GKN2: variants seen among roughly 807,000 people sequenced by gnomAD.
GKN2 encodes the protein gastrokine-2.
Under a neutral mutation model 22.7 loss-of-function variants are expected in GKN2, and 17 were observed. The observed-to-expected ratio is 0.75, with a 90% CI of 0.51 to 1.13. The LOEUF (loss-of-function observed/expected upper bound fraction) is 1.13. GKN2 is among the 50% of genes most tolerant of loss of function. The pLI is 0.00. For synonymous variants in GKN2, 82 were observed against 79.6 expected, an observed-to-expected ratio of 1.03 and a Z score of -0.16; for missense variants, 248 against 221.4, an observed-to-expected ratio of 1.12 and a Z score of -0.76.
Position 68,945,302 on chromosome 2 carries a change from T to A in GKN2, c.*66A>T. 1 of 1,178,380 alleles carries A rather than the reference T, an allele frequency of 8.5e-7. No individual in the cohort carries two copies. The highest frequency in any genetic ancestry group is 1.5e-5 in the South Asian group (1 of 67,510). 73.0% of individuals were successfully genotyped at this position (1,178,380 alleles called of 1,614,324 possible). A position where few individuals can be genotyped will look rare whatever the true frequency, so the allele number is the denominator to read the frequency against. On this transcript the variant is annotated 3_prime_UTR_variant, in exon 6 of 6. Coordinates refer to ENST00000328895, the MANE Select transcript of GKN2 (RefSeq NM_182536.3). ...GTTGGGGCATTGGGAAAGAATTTAA[T>A]TTGACTTTTGAGTGTAAACCAAGGA...
At chr2:68,946,281 G>A in intron 5 of GKN2, 23 bp downstream of exon 5, 1 of 1,582,888 alleles carries the variant, frequency 6.3e-7, no homozygotes. Context: ...TATTTGGTGA[G>A]TGAATGACTT....
At chr2:68,948,031 G>T (rs1669796564) in intron 3 of GKN2, among the ~76,000 whole-genome samples, 1 of 152,018 alleles carries the variant, frequency 6.6e-6, no homozygotes, top group African/African-American at 2.4e-5. Flanking sequence ...AGATCACAAG[G>T]TCAGGAGATC....
chr2:68,946,195 C>G (rs1669761797), intron 5 of GKN2, 109 bp downstream of exon 5: 1 of 920,280 alleles, frequency 1.1e-6, no homozygotes, highest in African/African-American at 1.7e-5. Flanking sequence ...GCAAACTGAA[C>G]TGAGTACTGT....
At chr2:68,950,514 G>A (rs956446041) in intron 2 of GKN2, among the ~76,000 whole-genome samples, 188 bp downstream of exon 2, 1 of 152,118 alleles carries the variant, frequency 6.6e-6, no homozygotes, top group African/African-American at 2.4e-5. Flanking sequence ...TTAAAGCAAT[G>A]GCTTACATTT....
chr2:68,948,882 A>G (rs1486121693), intron 3 of GKN2, among the ~76,000 whole-genome samples: 10 of 151,530 alleles, frequency 6.6e-5, no homozygotes, highest in African/African-American at 2.2e-4. Flanking sequence ...TCACTTCTCC[A>G]TTTTTTTTTA....
At chr2:68,952,246 G>C (rs1170845754) in intron 1 of GKN2, among the ~76,000 whole-genome samples, 1 of 152,142 alleles carries the variant, frequency 6.6e-6, no homozygotes, top group East Asian at 1.9e-4. Flanking sequence ...GCTTAAATTT[G>C]CCATGATTGC....
rs149527753 is a variant in GKN2, at chr2:68,948,386, C to T, written c.205-1129G>A. Among the ~76,000 whole-genome samples the T allele has an allele frequency of 4.9e-3, 739 of 152,170 alleles. 4 individuals carry two copies. The highest frequency in any genetic ancestry group is 7.8e-3 in the Non-Finnish European group (528 of 68,018). On this transcript the variant is annotated intron_variant, in intron 3 of 5. Transcript: ENST00000328895. ...ATTTTGAGTACTCAATAACCACAGG[C>T]GGCTGGGGGCTTCCCTATTGGAAAT...
Position 68,951,922 on chromosome 2 carries a change from C to T in GKN2, c.12+928G>A, listed in dbSNP as rs183412007. Among the ~76,000 whole-genome samples, 496 of 152,322 alleles carry T rather than the reference C, an allele frequency of 3.3e-3. 15 individuals carry two copies. Among genetic ancestry groups the T allele is most frequent in the Non-Finnish European group, 6.0e-4 (41 of 68,028 alleles). On this transcript the variant is annotated intron_variant, in intron 1 of 5. Transcript: ENST00000328895. ...ATGGTTATATAATACTTTTGTGCTTCAGGGTTAGGTCTCAATTTGGAAAAT... is the reference window on the plus strand; with the variant it reads ...ATGGTTATATAATACTTTTGTGCTTTAGGGTTAGGTCTCAATTTGGAAAAT...
Position 68,950,132 on chromosome 2 carries a change from A to G in GKN2, c.198T>C (p.Tyr66=), listed in dbSNP as rs757694333. The change falls in exon 3 of 6, where the codon TAT becomes TAC. Residue 66 remains tyrosine, a synonymous_variant. Coordinates refer to ENST00000328895, the MANE Select transcript of GKN2 (RefSeq NM_182536.3). The part of the protein sequence containing the change: ...GSCSSTTIFD[Y]KHGYIASRVL... ...AAATTCATTTGCTGCTTACATGTTT[A>G]TAGTCAAAAATTGTGGTAGAAGAGC... 6.2e-7 allele frequency: 1 copy of G among 1,612,510 alleles called. No individual in the cohort carries two copies. The highest frequency in any genetic ancestry group is 1.1e-5 in the South Asian group (1 of 90,490).
intron 3 of GKN2, 75 bp from the exon 4 acceptor site, chr2:68,947,332 C>A (rs1358448595): frequency 6.5e-6 from 6 of 924,312 alleles, no homozygotes; most frequent in Non-Finnish European, 1.1e-5. Context: ...GATGCCTGAA[C>A]CTCGGAAGAA....
chr2:68,948,472 C>T (rs2103891176), intron 3 of GKN2, among the ~76,000 whole-genome samples: 1 of 152,258 alleles, frequency 6.6e-6, no homozygotes, highest in South Asian at 2.1e-4. Flanking sequence ...GCTTTAGGAG[C>T]TCTCATAAGC....
chr2:68,946,995 T>G, intron 4 of GKN2, 152 bp downstream of exon 4: 2 of 571,002 alleles, frequency 3.5e-6, no homozygotes, highest in Non-Finnish European at 6.3e-6. Flanking sequence ...AAAATAAAAG[T>G]AAAAACACTT....
chr2:68,947,018 T>G lies in GKN2; in HGVS notation c.315+129A>C, dbSNP rs180835257. On this transcript the variant is annotated intron_variant, in intron 4 of 5. Coordinates refer to ENST00000328895, the MANE Select transcript of GKN2 (RefSeq NM_182536.3). ...AGTAAAAACACTTTAATAACTTTAA[T>G]AAGTTGAGTATCACATTTATGGTAA... 3.6e-5 allele frequency: 22 copies of G among 609,272 alleles called. 1 individual carries two copies. The East Asian group carries it at 5.8e-4, about 16-fold the overall frequency. The allele number at this position is 609,272 out of a possible 1,614,324, so 37.7% of individuals were successfully genotyped here.
chr2:68,950,525 G>A (rs1669840637), intron 2 of GKN2, among the ~76,000 whole-genome samples, 177 bp downstream of exon 2: 1 of 152,170 alleles, frequency 6.6e-6, no homozygotes, highest in African/African-American at 2.4e-5. Flanking sequence ...GCTTACATTT[G>A]CAAAGGTATT....
intron 4 of GKN2, among the ~76,000 whole-genome samples, chr2:68,946,762 T>G (rs1223332903): frequency 1.3e-5 from 2 of 152,154 alleles, no homozygotes; most frequent in Non-Finnish European, 2.9e-5. Context: ...GTGCACTGTT[T>G]GTATATGTTC....
intron 4 of GKN2, 45 bp downstream of exon 4, chr2:68,947,102 G>A: frequency 8.6e-7 from 1 of 1,164,442 alleles, no homozygotes; most frequent in Non-Finnish European, 1.3e-6. Context: ...TACCAGTATT[G>A]CCTGGCTTAA....
chr2:68,950,845 T>A (rs1336002723), intron 1 of GKN2, 90 bp from the exon 2 acceptor site: 1 of 1,315,708 alleles, frequency 7.6e-7, no homozygotes, highest in Non-Finnish European at 1.1e-6. Context: ...GGCACAGATA[T>A]CTCAGAAAAT....
At chr2:68,951,967 G>C in intron 1 of GKN2, among the ~76,000 whole-genome samples, 2 of 152,304 alleles carry the variant, frequency 1.3e-5, no homozygotes, top group South Asian at 4.1e-4. Flanking sequence ...CCTGAGAGAG[G>C]GAGCTCTTTA....
At position 68,952,838 on chromosome 2, in the gene GKN2, AC is replaced by A; in HGVS notation, c.12+11del. 1 of 1,613,914 alleles carries A rather than the reference AC, an allele frequency of 6.2e-7. No homozygotes were observed. The highest frequency in any genetic ancestry group is 8.5e-7 in the Non-Finnish European group (1 of 1,179,872). The stretch of plus-strand genomic sequence containing the variant: ...ACCACAAGAGTATCAAGAAGCAGAA[AC>A]AAATACTCACAAGTATTTTCATTTT... On this transcript the variant is annotated intron_variant, in intron 1 of 5. Transcript: ENST00000328895.
Sources: gnomAD v4.1 joint callset for allele counts (sites outside exome capture counted in the v4.1 genomes callset) on GRCh38, gnomAD v4.1.1 for gene constraint, MANE v1.5 for transcripts, NCBI Gene and HGNC (gene_info 2026-07-23, HGNC 2026-07-21) for gene names.